BOP1: variants seen among roughly 807,000 people sequenced by gnomAD.
BOP1 encodes the protein BOP1 ribosomal biogenesis factor, also known as ribosome biogenesis protein BOP1.
A neutral mutation model predicts 82.9 loss-of-function variants in BOP1; 54 were observed. The ratio of observed to expected loss-of-function variants is 0.65; its 90% CI spans 0.52 to 0.82. The LOEUF is 0.82. Among genes scored for constraint, BOP1 ranks in the 40% least tolerant of loss-of-function variants. The pLI is 0.00. For synonymous variants in BOP1, 566 were observed against 451.1 expected (o/e 1.25, Z -3.23); for missense variants, 1,170 against 1,072.0 (o/e 1.09, Z -1.28).
intron 3 of BOP1, among the ~76,000 whole-genome samples, chr8:144,267,590 C>A (rs907019308): frequency 6.6e-6 from 1 of 152,254 alleles, no homozygotes; most frequent in Non-Finnish European, 1.5e-5. Context: ...GTTCTTAGCC[C>A]CTGCGGCCCA....
At chr8:144,262,704 C>T (rs934145783) in intron 13 of BOP1, 32 bp from the exon 14 acceptor site, 38 of 1,611,572 alleles carry the variant, frequency 2.4e-5, no homozygotes, top group African/African-American at 1.1e-4. Context: ...CAGGTGTTCC[C>T]GCTCTCACCT....
At chr8:144,265,218 G>A (rs1845332882) in intron 3 of BOP1, 147 bp from the exon 4 acceptor site, 5 of 919,038 alleles carry the variant, frequency 5.4e-6, no homozygotes, top group South Asian at 3.3e-5. Context: ...ACCTACGCCT[G>A]TTCCCCAGCC....
chr8:144,263,479 C>T lies in BOP1; in HGVS notation c.1423G>A (p.Val475Met), dbSNP rs1018943014. The change falls in exon 11 of 16, where the codon GTG becomes ATG. Residue 475 changes from valine to methionine, a missense_variant and splice_region_variant. Physicochemically the swap from Val to Met is conservative, Grantham distance 21. Coordinates refer to ENST00000569669, the MANE Select transcript of BOP1 (RefSeq NM_015201.5). Reference protein sequence around the residue: ...SPAVCLVAAAVEDSVLLLNPA... With the variant: ...SPAVCLVAAAMEDSVLLLNPA... ...CCAGCCCCCAGGGCCTCCACTTACA[C>T]GGCTGCAGCCACCAGGCAGACAGCG... 72 of 1,598,152 alleles carry T rather than the reference C, an allele frequency of 4.5e-5. No individual in the cohort carries two copies. Among genetic ancestry groups the T allele is most frequent in the Middle Eastern group, 1.9e-4 (1 of 5,342 alleles).
intron 3 of BOP1, chr8:144,268,217 C>T (rs1466695464): frequency 6.5e-6 from 10 of 1,540,610 alleles, no homozygotes; most frequent in Non-Finnish European, 8.8e-6. Flanking sequence ...AGACAGCCCC[C>T]ACCTTGGACC....
chr8:144,281,337 CCAGGTCTTCGGCCTTCCCTCAG>C lies in BOP1; in HGVS notation c.310-5055_310-5034del, dbSNP rs1845674294. On this transcript the variant is annotated intron_variant, in intron 2 of 15. Coordinates refer to ENST00000569669, the MANE Select transcript of BOP1 (RefSeq NM_015201.5). The stretch of plus-strand genomic sequence containing the variant: ...TCTTTGGCCTTCTCTCAGTTTAATA[CCAGGTCTTCGGCCTTCCCTCAG>C]TTTAATACCAGGTCTTCGGCCTTCC... Among the ~76,000 whole-genome samples, 5 of 11,492 alleles carry C rather than the reference CCAGGTCTTCGGCCTTCCCTCAG, an allele frequency of 4.4e-4. 2 individuals are homozygous for C. The highest frequency in any genetic ancestry group is 2.5e-3 in the Admixed American group (2 of 798). The allele number at this position is 11,492 out of a possible 152,430, so 7.5% of individuals were successfully genotyped here.
chr8:144,276,427 G>A (rs1419349469), intron 2 of BOP1, 123 bp from the exon 3 acceptor site: 2 of 1,130,270 alleles, frequency 1.8e-6, no homozygotes, highest in Non-Finnish European at 2.6e-6. Flanking sequence ...ACAGGCCTCA[G>A]CACAAGGCCG....
intron 2 of BOP1, among the ~76,000 whole-genome samples, chr8:144,279,557 T>A (rs1845636766): frequency 6.6e-6 from 1 of 152,192 alleles, no homozygotes; most frequent in Non-Finnish European, 1.5e-5. Flanking sequence ...GGCAGTGGAA[T>A]GAGGTTCTGG....
At chr8:144,270,488 G>A (rs1845474577) in intron 3 of BOP1, among the ~76,000 whole-genome samples, 1 of 152,184 alleles carries the variant, frequency 6.6e-6, no homozygotes, top group Non-Finnish European at 1.5e-5. Flanking sequence ...GACCGCGGCT[G>A]CAGCTTGGCC....
rs1845306527 is a variant in BOP1 at position 144,264,334 on chromosome 8, T to C, written c.869A>G (p.Asn290Ser). ...CATCTTGTGGCGCCCGAGCACGGCG[T>C]TGGGGTCCTCCTGGGCCCACAGGTC... Reference protein sequence around the residue: ...FYDLWAQEDPNAVLGRHKMHV... With the variant: ...FYDLWAQEDPSAVLGRHKMHV... Residue 290 changes from asparagine to serine, a missense_variant, in exon 7 of 16, where the codon AAC becomes AGC. Transcript: ENST00000569669. 1.2e-6 allele frequency: 2 copies of C among 1,609,166 alleles called. No homozygotes were observed. The highest frequency in any genetic ancestry group is 2.2e-5 in the East Asian group (1 of 44,860).
At chr8:144,269,131 C>T (rs1845447398) in intron 3 of BOP1, among the ~76,000 whole-genome samples, 1 of 152,228 alleles carries the variant, frequency 6.6e-6, no homozygotes, top group African/African-American at 2.4e-5. Context: ...GAAGACCCCG[C>T]CCACCACAGG....
chr8:144,275,860 G>C (rs56304037), intron 3 of BOP1, among the ~76,000 whole-genome samples: 64 of 131,350 alleles, frequency 4.9e-4, no homozygotes, highest in East Asian at 5.3e-4. Flanking sequence ...CCCCCACCCC[G>C]ACCATGACCC....
At chr8:144,271,884 T>A (rs1201792152) in intron 3 of BOP1, among the ~76,000 whole-genome samples, 2 of 152,060 alleles carry the variant, frequency 1.3e-5, no homozygotes, top group Non-Finnish European at 2.9e-5. Flanking sequence ...TCCCGGCACC[T>A]CCACCACTGG....
In BOP1 at chr8:144,264,321, C is replaced by G; in HGVS notation, c.882G>C (p.Gly294=). ...WAQEDPNAVL[G]RHKMHVPAPK... Reference sequence around the variant, plus strand: ...GAGCAGGTACGTGCATCTTGTGGCGCCCGAGCACGGCGTTGGGGTCCTCCT... The same window carrying G: ...GAGCAGGTACGTGCATCTTGTGGCGGCCGAGCACGGCGTTGGGGTCCTCCT... Residue 294 remains glycine, a synonymous_variant, in exon 7 of 16, where the codon GGG becomes GGC. Coordinates refer to ENST00000569669, the MANE Select transcript of BOP1 (RefSeq NM_015201.5). 5.6e-6 allele frequency: 9 copies of G among 1,610,242 alleles called. No individual in the cohort carries two copies. The highest frequency in any genetic ancestry group is 7.6e-6 in the Non-Finnish European group (9 of 1,179,596).
At chr8:144,271,998 C>T (rs1210521338) in intron 3 of BOP1, among the ~76,000 whole-genome samples, 1 of 152,150 alleles carries the variant, frequency 6.6e-6, no homozygotes, top group African/African-American at 2.4e-5. Flanking sequence ...ACTACCGACC[C>T]AGGGGTTCCT....
At chr8:144,283,010 GAC>G (rs1554839096) in intron 2 of BOP1, among the ~76,000 whole-genome samples, 1 of 150,106 alleles carries the variant, frequency 6.7e-6, no homozygotes, top group East Asian at 1.9e-4. Context: ...CCAACATGGT[GAC>G]ACTCCCTCTC....
chr8:144,272,394 C>T (rs1376903294), intron 3 of BOP1, among the ~76,000 whole-genome samples: 2 of 152,180 alleles, frequency 1.3e-5, no homozygotes, highest in East Asian at 3.9e-4. Flanking sequence ...CAGCCCCGGC[C>T]TTGGGACGTA....
chr8:144,262,588 C>T lies in BOP1; in HGVS notation c.1979G>A (p.Arg660Lys), dbSNP rs1845233251. 1 of 1,613,508 alleles carries T rather than the reference C, an allele frequency of 6.2e-7. No individual in the cohort carries two copies. Among genetic ancestry groups the T allele is most frequent in the South Asian group, 1.1e-5 (1 of 91,080 alleles). Reference protein sequence around the residue: ...DLSTKPYRMLRHHKKALRAVA... With the variant: ...DLSTKPYRMLKHHKKALRAVA... ...CGCCTCCACCCCCAGCTTTCCTCAC[C>T]TCAGCATCCTGTATGGCTTGGTGGA... is the stretch of plus-strand genomic sequence containing the variant. Residue 660 changes from arginine to lysine, a missense_variant and splice_region_variant, in exon 14 of 16, where the codon AGA (arginine) becomes AAA (lysine). Physicochemically the swap from Arg to Lys is conservative, Grantham distance 26. Transcript: ENST00000569669.
intron 2 of BOP1, among the ~76,000 whole-genome samples, chr8:144,278,915 G>C (rs750224797): frequency 2.0e-5 from 3 of 152,254 alleles, no homozygotes; most frequent in African/African-American, 7.2e-5. Flanking sequence ...GAAAAGCCCA[G>C]AGAAAATACA....
chr8:144,284,705 C>A (rs1395210121), intron 2 of BOP1, among the ~76,000 whole-genome samples: 1 of 152,222 alleles, frequency 6.6e-6, no homozygotes, highest in Non-Finnish European at 1.5e-5. Flanking sequence ...CCCTCAGGAG[C>A]ACCTGAGCAT....
Sources: allele counts gnomAD v4.1 joint callset (sites outside exome capture counted in the v4.1 genomes callset), GRCh38; gene constraint gnomAD v4.1.1; transcripts MANE v1.5; gene names NCBI Gene and HGNC (gene_info 2026-07-23, HGNC 2026-07-21).